The following PRXL2A variants were observed in gnomAD, a reference collection of about 807,000 sequenced individuals.
PRXL2A encodes peroxiredoxin-like 2A.
PRXL2A carries 26 observed loss-of-function variants against 25.6 expected under a neutral mutation model. The observed-to-expected ratio is 1.02, with a 90% CI of 0.74 to 1.41. PRXL2A has a LOEUF of 1.41. PRXL2A is among the 40% of genes most tolerant of loss of function. The probability of loss-of-function intolerance (pLI) is 0.00; values close to 1 mark genes in which losing one functional copy is unlikely to be tolerated. For synonymous variants in PRXL2A, 98 were observed against 102.9 expected, an observed-to-expected ratio of 0.95 and a Z score of 0.29; for missense variants, 246 against 273.9, an observed-to-expected ratio of 0.90 and a Z score of 0.72.
intron 1 of PRXL2A, among the ~76,000 whole-genome samples, chr10:80,417,500 G>A (rs1477146076): frequency 1.3e-5 from 2 of 152,064 alleles, no homozygotes; most frequent in Non-Finnish European, 2.9e-5. Context: ...CTTATTTACA[G>A]GAGAAGCAAG....
chr10:80,408,473 CG>C, upstream of PRXL2A: 1 of 152,502 alleles, frequency 6.6e-6, no homozygotes, highest in Non-Finnish European at 1.5e-5. Context: ...GCTCCTCCCA[CG>C]GGGGGCGGGG....
At chr10:80,409,149 G>A (rs1236893253) in intron 1 of PRXL2A, 7 of 894,258 alleles carry the variant, frequency 7.8e-6, no homozygotes, top group Non-Finnish European at 5.4e-6. Context: ...TTCTAGCGTT[G>A]TTCAGCGTTT....
chr10:80,408,425 C>G (rs994739202), upstream of PRXL2A: 1 of 152,238 alleles, frequency 6.6e-6, no homozygotes, highest in African/African-American at 2.4e-5. Context: ...GCTAGGAGAC[C>G]GCGGCCCGGA....
chr10:80,414,331 C>T (rs765873836), intron 1 of PRXL2A, among the ~76,000 whole-genome samples: 14 of 152,102 alleles, frequency 9.2e-5, no homozygotes, highest in East Asian at 1.9e-4. Flanking sequence ...GGGGCTGGCT[C>T]TTCTGTAAAC....
Position 80,436,515 on chromosome 10 carries a change from A to T in PRXL2A, c.*4416A>T, listed in dbSNP as rs10788621. On this transcript the variant is annotated 3_prime_UTR_variant, in exon 6 of 6. Transcript: ENST00000606162. ...GGCATCCAGTGTGGAAGACCAGCAC[A>T]CTCACGTCAGGAGACCTTACCTGGA... 0.36 allele frequency: 54,077 copies of T among 151,658 alleles called. 11,019 individuals carry two copies. The highest frequency in any genetic ancestry group is 0.82 in the East Asian group (4,181 of 5,124). The allele number at this position is 151,658 out of a possible 1,614,324, so 9.4% of individuals were successfully genotyped here.
In PRXL2A at chr10:80,422,802, A is replaced by G. The variant is rs1870144; in HGVS notation, c.270+294A>G. Among the ~76,000 whole-genome samples, 52,797 of 151,928 alleles carry G rather than the reference A, an allele frequency of 0.35. 10,943 individuals are homozygous for G. Among genetic ancestry groups the G allele is most frequent in the East Asian group, 0.83 (4,268 of 5,156 alleles). On this transcript the variant is annotated intron_variant, in intron 3 of 5. Transcript: ENST00000606162. ...ACCATATTCCAATTTAATCAGGGGCAGTGACCAGGTCCAATTCCATGCTTC... is the reference window on the plus strand; with the variant it reads ...ACCATATTCCAATTTAATCAGGGGCGGTGACCAGGTCCAATTCCATGCTTC...
intron 5 of PRXL2A, among the ~76,000 whole-genome samples, chr10:80,429,964 C>G (rs1382575275): frequency 6.6e-6 from 1 of 152,154 alleles, no homozygotes; most frequent in African/African-American, 2.4e-5. Context: ...GTTCGTATTC[C>G]CTGGAGCCCC....
chr10:80,421,917 C>G (rs185625904), intron 2 of PRXL2A, among the ~76,000 whole-genome samples: 1 of 152,284 alleles, frequency 6.6e-6, no homozygotes, highest in Non-Finnish European at 1.5e-5. Flanking sequence ...TCAGTTGGAC[C>G]TTAGAGCTGG....
chr10:80,416,456 C>T (rs1013332906), intron 1 of PRXL2A, among the ~76,000 whole-genome samples: 3 of 152,014 alleles, frequency 2.0e-5, no homozygotes, highest in Admixed American at 1.3e-4. Context: ...GGGCACAGAA[C>T]TGAGGAGGGG....
In PRXL2A at chr10:80,420,596, A is replaced by G. The variant is rs1380314102; in HGVS notation, c.129A>G (p.Lys43=). Residue 43 remains lysine (K), a synonymous_variant, in exon 2 of 6, where the codon AAA becomes AAG. Transcript: ENST00000606162. Reference sequence around the variant, plus strand: ...ACGTGTTTCTGTCCAAGCCCCAGAAAGCGGCCCTGGAGTACCTGGAGGATA... The same window carrying G: ...ACGTGTTTCTGTCCAAGCCCCAGAAGGCGGCCCTGGAGTACCTGGAGGATA... The part of the protein sequence containing the change: ...NTDVFLSKPQ[K]AALEYLEDID... 1.2e-6 allele frequency: 2 copies of G among 1,613,768 alleles called. No homozygotes were observed. The highest frequency in any genetic ancestry group is 1.1e-5 in the South Asian group (1 of 90,970).
chr10:80,422,601 T>G (rs1415109496), intron 3 of PRXL2A, 93 bp downstream of exon 3: 4 of 894,478 alleles, frequency 4.5e-6, no homozygotes, highest in Non-Finnish European at 7.1e-6. Context: ...TAAGCCAGCT[T>G]TAGCCTTTTA....
At position 80,436,176 on chromosome 10, in the gene PRXL2A, C is replaced by A. The variant is rs1298018497; in HGVS notation, c.*4077C>A. The stretch of plus-strand genomic sequence containing the variant: ...TCACCTAGGCTAGAGTGCAGTAATG[C>A]AATCATGGCTCACTGCTGCCTTAAC... On this transcript the variant is annotated 3_prime_UTR_variant, in exon 6 of 6. Coordinates refer to ENST00000606162, the MANE Select transcript of PRXL2A (RefSeq NM_032333.5). 1 of 148,248 alleles carries A rather than the reference C, an allele frequency of 6.7e-6. No individual in the cohort carries two copies. The highest frequency in any genetic ancestry group is 2.5e-5 in the African/African-American group (1 of 40,458). The allele number at this position is 148,248 out of a possible 1,614,324, so 9.2% of individuals were successfully genotyped here. A position where few individuals can be genotyped will look rare whatever the true frequency, so the allele number is the denominator to read the frequency against.
intron 1 of PRXL2A, chr10:80,408,943 C>A: frequency 5.1e-6 from 4 of 781,338 alleles, no homozygotes; most frequent in Non-Finnish European, 6.2e-6. Flanking sequence ...CCCCCTCTGT[C>A]CACGCCCGCA....
intron 5 of PRXL2A, 68 bp from the exon 6 acceptor site, chr10:80,431,918 C>CCT: frequency 9.0e-7 from 1 of 1,108,518 alleles, no homozygotes; most frequent in Non-Finnish European, 1.4e-6. Flanking sequence ...GACAGCTGGT[C>CCT]CTCGATGCCT....
chr10:80,417,389 A>C (rs538158164), intron 1 of PRXL2A, among the ~76,000 whole-genome samples: 68 of 152,302 alleles, frequency 4.5e-4, no homozygotes, highest in African/African-American at 1.6e-3. Context: ...CTGCTTACAC[A>C]GGTCAACTCC....
intron 5 of PRXL2A, among the ~76,000 whole-genome samples, chr10:80,428,899 TA>T (rs1845139522): frequency 6.6e-6 from 1 of 152,200 alleles, no homozygotes; most frequent in South Asian, 2.1e-4. Flanking sequence ...CCTTCAAGTT[TA>T]AGCTTTATTT....
rs572685043 is a variant in PRXL2A, at chr10:80,413,842, T to C, written c.-3+5199T>C. 83 of 1,199,428 alleles carry C rather than the reference T, an allele frequency of 6.9e-5. No individual in the cohort carries two copies. The African/African-American group carries it at 1.2e-3, about 18-fold the overall frequency. 74.3% of individuals were successfully genotyped at this position (1,199,428 alleles called of 1,614,324 possible). On this transcript the variant is annotated intron_variant, in intron 1 of 5. Coordinates refer to ENST00000606162, the MANE Select transcript of PRXL2A (RefSeq NM_032333.5). ...CTGCTCACCCCTGGATATACTTCTT[T>C]GTCAAGAGAAGCAGAGGTGTGGACG...
intron 3 of PRXL2A, among the ~76,000 whole-genome samples, chr10:80,424,796 G>C (rs1442463607): frequency 6.6e-6 from 1 of 152,198 alleles, no homozygotes; most frequent in African/African-American, 2.4e-5. Context: ...AGGAGGTGTA[G>C]GTTGCATTGA....
chr10:80,426,509 GT>G (rs1202548300), intron 4 of PRXL2A, among the ~76,000 whole-genome samples: 1 of 152,170 alleles, frequency 6.6e-6, no homozygotes, highest in Non-Finnish European at 1.5e-5. Context: ...CTTATGATGG[GT>G]TTGTAGGGAC....
Sources: gnomAD v4.1 joint callset for allele counts (sites outside exome capture counted in the v4.1 genomes callset) on GRCh38, gnomAD v4.1.1 for gene constraint, MANE v1.5 for transcripts, NCBI Gene and HGNC (gene_info 2026-07-23, HGNC 2026-07-21) for gene names.